Variants in KRAS observed in about 807,000 individuals in gnomAD.
The protein encoded by KRAS is GTPase KRas.
Under a neutral mutation model 21.0 loss-of-function variants are expected in KRAS, and 1 was observed. That is an observed-to-expected ratio of 0.05 (90% CI 0.02 to 0.23). The LOEUF is 0.23. KRAS is among the 10% of genes least tolerant of loss of function. The pLI, the probability that KRAS is intolerant of heterozygous loss-of-function variation, is 1.00. For synonymous variants in KRAS, 67 were observed against 72.5 expected (o/e 0.92, Z 0.39); for missense variants, 107 against 221.8 (o/e 0.48, Z 3.29).
intron 2 of KRAS, among the ~76,000 whole-genome samples, chr12:25,237,825 G>T (rs1020837668): frequency 2.6e-5 from 4 of 152,160 alleles, no homozygotes; most frequent in Non-Finnish European, 5.9e-5. Context: ...AGGCCAAAAA[G>T]TAGGGGCAGG....
intron 2 of KRAS, among the ~76,000 whole-genome samples, chr12:25,244,221 T>C (rs959145171): frequency 1.3e-5 from 2 of 152,166 alleles, no homozygotes; most frequent in African/African-American, 4.8e-5. Flanking sequence ...TTGAAGAAAG[T>C]TCTTAGAAAT....
intron 2 of KRAS, chr12:25,233,799 TA>T (rs2135792345): frequency 4.9e-6 from 1 of 204,374 alleles, no homozygotes; most frequent in East Asian, 7.5e-5. Context: ...TACTGCCTCT[TA>T]AATAAGTGAA....
chr12:25,210,321 A>G (rs1951189014), intron 4 of KRAS, among the ~76,000 whole-genome samples: 1 of 152,160 alleles, frequency 6.6e-6, no homozygotes. Flanking sequence ...ACTGTAAACT[A>G]TGTTCATATA....
chr12:25,245,379 A>T lies in KRAS; in HGVS notation c.6T>A (p.Thr2=). Residue 2 remains threonine (T), a synonymous_variant, in exon 2 of 5, where the codon ACT becomes ACA. Coordinates refer to ENST00000311936, the MANE Select transcript of KRAS (RefSeq NM_004985.5). ...CTCCAACTACCACAAGTTTATATTC[A>T]GTCATTTTCAGCAGGCCTTATAATA... M[T]EYKLVVVGAG... The T allele has an allele frequency of 6.2e-7, 1 of 1,610,688 alleles. No homozygotes were observed. The highest frequency in any genetic ancestry group is 8.5e-7 in the Non-Finnish European group (1 of 1,178,016).
intron 2 of KRAS, among the ~76,000 whole-genome samples, chr12:25,237,578 T>A (rs746898595): frequency 3.9e-5 from 6 of 152,134 alleles, no homozygotes; most frequent in African/African-American, 1.4e-4. Context: ...AGGCTAGAGA[T>A]AGACTTGGGA....
intron 3 of KRAS, 139 bp from the exon 4 acceptor site, chr12:25,225,912 C>G (rs1043691698): frequency 5.6e-6 from 4 of 711,178 alleles, no homozygotes; most frequent in Non-Finnish European, 9.4e-6. Context: ...ATTTTCCTTC[C>G]TTCTTCTACT....
intron 2 of KRAS, chr12:25,235,030 T>C: frequency 2.9e-6 from 1 of 349,002 alleles, no homozygotes; most frequent in Non-Finnish European, 5.2e-6. Flanking sequence ...TGCCAGATAC[T>C]GTCATAAGCA....
intron 1 of KRAS, 91 bp downstream of exon 1, chr12:25,250,660 T>A: frequency 7.4e-6 from 1 of 134,460 alleles, no homozygotes. Context: ...CGGGGACCCC[T>A]AATTCATTCA....
chr12:25,211,878 ACT>A (rs1196466205), intron 4 of KRAS, among the ~76,000 whole-genome samples: 1 of 152,100 alleles, frequency 6.6e-6, no homozygotes, highest in Non-Finnish European at 1.5e-5. Context: ...GATGTTTCCC[ACT>A]CTCTAATATC....
chr12:25,250,733 G>A lies in KRAS; in HGVS notation c.-12+18C>T, dbSNP rs61759618. Reference sequence around the variant, plus strand: ...CGGGACCCGGGCAGGGGCCCAGGAGGGGTGGTCCGCTCCGTACCTCTCTCC... The same window carrying A: ...CGGGACCCGGGCAGGGGCCCAGGAGAGGTGGTCCGCTCCGTACCTCTCTCC... On this transcript the variant is annotated intron_variant, in intron 1 of 4. Coordinates refer to ENST00000311936, the MANE Select transcript of KRAS (RefSeq NM_004985.5). 3,073 of 189,594 alleles carry A rather than the reference G, an allele frequency of 0.016. 77 individuals are homozygous for A. The highest frequency in any genetic ancestry group is 0.067 in the African/African-American group (2,881 of 42,862). 11.7% of individuals were successfully genotyped at this position (189,594 alleles called of 1,614,324 possible). A position where few individuals can be genotyped will look rare whatever the true frequency, so the allele number is the denominator to read the frequency against.
At chr12:25,217,559 A>G (rs186165057) in intron 4 of KRAS, among the ~76,000 whole-genome samples, 112 of 152,300 alleles carry the variant, frequency 7.4e-4, no homozygotes, top group South Asian at 1.9e-3. Flanking sequence ...AATTTAGTTA[A>G]CTAGTTAGCT....
Position 25,216,185 on chromosome 12 carries a change from CTTAAATGAGAG to C in KRAS, c.451-6285_451-6275del, listed in dbSNP as rs1276104257. Reference sequence around the variant, plus strand: ...ACATGTTTAATTACATTATTAAAATCTTAAATGAGAGCTGCTTACCATAATATAAAAACATC... The same window carrying C: ...ACATGTTTAATTACATTATTAAAATCCTGCTTACCATAATATAAAAACATC... On this transcript the variant is annotated intron_variant, in intron 4 of 4. Coordinates refer to ENST00000311936, the MANE Select transcript of KRAS (RefSeq NM_004985.5). 3.9e-5 allele frequency among the ~76,000 whole-genome samples: 6 copies of C among 152,252 alleles called. No individual in the cohort carries two copies. In the East Asian group the frequency reaches 1.2e-3, roughly 29 times the overall value.
rs727504298 is a variant in KRAS at position 25,227,421 on chromosome 12, G to A, written c.112-9C>T. 2 of 1,613,382 alleles carry A rather than the reference G, an allele frequency of 1.2e-6. No individual in the cohort carries two copies. The highest frequency in any genetic ancestry group is 1.7e-6 in the Non-Finnish European group (2 of 1,179,560). ...TGCTTCCTGTAGGAATCCTGAGAAG[G>A]GAGAAACACAGTCTGGATTATTACA... On this transcript the variant is annotated splice_polypyrimidine_tract_variant and intron_variant, in intron 2 of 4. Coordinates refer to ENST00000311936, the MANE Select transcript of KRAS (RefSeq NM_004985.5).
intron 4 of KRAS, among the ~76,000 whole-genome samples, chr12:25,223,835 A>C (rs1362520743): frequency 6.6e-6 from 1 of 152,148 alleles, no homozygotes; most frequent in African/African-American, 2.4e-5. Context: ...GCATTACAGA[A>C]GTTAATTTCT....
chr12:25,246,147 C>CAAAAAAAAAAAAAAAAAAAAAAAAA (rs35617676), intron 1 of KRAS, among the ~76,000 whole-genome samples: 1 of 84,470 alleles, frequency 1.2e-5, no homozygotes, highest in African/African-American at 4.5e-5. Context: ...GACTCCGTCT[C>CAAAAAAAAAAAAAAAAAAAAAAAAA]AAAAAAAAAA....
At chr12:25,214,006 A>C (rs1951227390) in intron 4 of KRAS, among the ~76,000 whole-genome samples, 1 of 152,246 alleles carries the variant, frequency 6.6e-6, no homozygotes, top group Non-Finnish European at 1.5e-5. Context: ...TATAGGAATG[A>C]AACAGAAGAG....
intron 4 of KRAS, chr12:25,211,249 T>C (rs1458793830): frequency 2.6e-5 from 4 of 152,168 alleles, no homozygotes; most frequent in Admixed American, 2.6e-4. Context: ...TGTGTAAAAA[T>C]ATTCAAGTGA....
intron 4 of KRAS, among the ~76,000 whole-genome samples, chr12:25,218,919 G>GC (rs1370034355): frequency 9.2e-6 from 1 of 108,136 alleles, no homozygotes; most frequent in Non-Finnish European, 2.1e-5. Flanking sequence ...GGGGTTTTTT[G>GC]TTTTTTTTTA....
intron 2 of KRAS, chr12:25,234,299 T>C (rs1429359258): frequency 5.6e-6 from 1 of 178,636 alleles, no homozygotes; most frequent in Non-Finnish European, 1.2e-5. Flanking sequence ...GCAGGAGTCT[T>C]CAACAATATT....
Sources: gnomAD v4.1 joint callset for allele counts (sites outside exome capture counted in the v4.1 genomes callset) on GRCh38, gnomAD v4.1.1 for gene constraint, MANE v1.5 for transcripts, NCBI Gene and HGNC (gene_info 2026-07-23, HGNC 2026-07-21) for gene names.